HDAC4: variants seen among roughly 807,000 people sequenced by gnomAD.
HDAC4 encodes histone deacetylase A.
A neutral mutation model predicts 135.1 loss-of-function variants in HDAC4; 16 were observed. The ratio of observed to expected loss-of-function variants is 0.12; its 90% CI spans 0.08 to 0.18. The LOEUF is 0.18. Among genes scored for constraint, HDAC4 ranks in the 10% least tolerant of loss-of-function variants. HDAC4 has a pLI of 1.00. For missense variants in HDAC4, 1,143 were observed against 1,511.8 expected (o/e 0.76, Z 4.05); for synonymous variants, 685 against 653.4 (o/e 1.05, Z -0.74).
At position 239,050,349 on chromosome 2, in the gene HDAC4, G is replaced by T. The variant is rs2030648059; in HGVS notation, c.*2748C>A. ...ATTCCTCCCCATAAGCCACGGCGGG[G>T]TAAGAGGGCAGGTGGCAGGATCCCC... On this transcript the variant is annotated 3_prime_UTR_variant, in exon 27 of 27. Transcript: ENST00000543185. 6.6e-6 allele frequency: 1 copy of T among 152,252 alleles called. No homozygotes were observed. The allele number at this position is 152,252 out of a possible 1,614,324, so 9.4% of individuals were successfully genotyped here.
intron 2 of HDAC4, among the ~76,000 whole-genome samples, chr2:239,247,254 C>A (rs539960100): frequency 2.3e-4 from 35 of 152,346 alleles, no homozygotes; most frequent in Admixed American, 5.2e-4. Flanking sequence ...ATCCTACTTT[C>A]TAAACTAACA....
intron 12 of HDAC4, among the ~76,000 whole-genome samples, chr2:239,121,579 C>T (rs2039695949): frequency 6.6e-6 from 1 of 152,218 alleles, no homozygotes; most frequent in Non-Finnish European, 1.5e-5. Context: ...GACAACATTC[C>T]CAGGTCTTTT....
In HDAC4 at chr2:239,082,133, T is replaced by G; in HGVS notation, c.2621A>C (p.Asn874Thr). The change falls in exon 21 of 27, where the codon AAC becomes ACC. Residue 874 changes from asparagine (N) to threonine (T), a missense_variant. This residue lies in a region of HDAC4 where 189 missense variants were observed against 317.6 expected (regional missense o/e 0.60). Coordinates refer to ENST00000543185, the MANE Select transcript of HDAC4 (RefSeq NM_001378414.1). ...AGGAGCCCCGCTGCCTGGGAAGAAG[T>G]TCCCATCGTCGTAGCGGTGGAGGGA... ...YMSLHRYDDGNFFPGSGAPDE... is the reference protein window; with the variant it reads ...YMSLHRYDDGTFFPGSGAPDE... The G allele has an allele frequency of 6.2e-7, 1 of 1,613,914 alleles. No individual in the cohort carries two copies. Among genetic ancestry groups the G allele is most frequent in the Non-Finnish European group, 8.5e-7 (1 of 1,179,928 alleles).
At chr2:239,081,006 A>C (rs1042468192) in intron 22 of HDAC4, 89 bp downstream of exon 22, 11 of 1,003,188 alleles carry the variant, frequency 1.1e-5, no homozygotes, top group Admixed American at 6.0e-5. Flanking sequence ...CCAGTTTCAG[A>C]CACGCTCATC....
At chr2:239,118,888 T>C (rs778293059) in intron 12 of HDAC4, among the ~76,000 whole-genome samples, 2 of 152,210 alleles carry the variant, frequency 1.3e-5, no homozygotes, top group East Asian at 1.9e-4. Context: ...TGATTGCTTC[T>C]GGTTTCTCAG....
At chr2:239,374,987 G>C (rs1228200832) in intron 1 of HDAC4, among the ~76,000 whole-genome samples, 1 of 152,178 alleles carries the variant, frequency 6.6e-6, no homozygotes, top group Non-Finnish European at 1.5e-5. Flanking sequence ...CCCAGGTGAG[G>C]GGTGACGCTG....
intron 2 of HDAC4, among the ~76,000 whole-genome samples, chr2:239,265,886 G>A (rs890955433): frequency 6.6e-6 from 1 of 152,226 alleles, no homozygotes. Flanking sequence ...GTGCTGAGTG[G>A]GCAGTGCCCC....
At chr2:239,134,740 T>C in intron 9 of HDAC4, 97 bp from the exon 10 acceptor site, 1 of 873,722 alleles carries the variant, frequency 1.1e-6, no homozygotes, top group Non-Finnish European at 2.0e-6. Flanking sequence ...CTGCACTGAA[T>C]TCTGATATAT....
chr2:239,292,181 G>T (rs1345580882), intron 2 of HDAC4, among the ~76,000 whole-genome samples: 1 of 152,206 alleles, frequency 6.6e-6, no homozygotes, highest in Admixed American at 6.5e-5. Context: ...CAAGTGTTCC[G>T]GTGTTTTGTC....
intron 3 of HDAC4, among the ~76,000 whole-genome samples, chr2:239,211,389 G>T (rs2046347863): frequency 6.6e-6 from 1 of 152,180 alleles, no homozygotes; most frequent in South Asian, 2.1e-4. Context: ...GGGGCCGAAA[G>T]TCCTGGTTGC....
Position 239,115,351 on chromosome 2 carries a change from T to C in HDAC4, c.1534-41A>G, listed in dbSNP as rs1418520078. The C allele has an allele frequency of 1.9e-5, 31 of 1,609,722 alleles. No individual in the cohort carries two copies. The East Asian group carries it at 6.9e-4, about 36-fold the overall frequency. On this transcript the variant is annotated intron_variant, in intron 12 of 26. Coordinates refer to ENST00000543185, the MANE Select transcript of HDAC4 (RefSeq NM_001378414.1). The surrounding 1 kb of genome is among the most constrained non-coding windows in gnomAD (Gnocchi z 6.3). ...AACACATGAAGCACAGAGAGCTGGG[T>C]CCTCTGAGCTCATCTGACAGGAGAA... is the stretch of plus-strand genomic sequence containing the variant.
Position 239,051,397 on chromosome 2 carries a change from A to C in HDAC4, c.*1700T>G, listed in dbSNP as rs1359195659. ...CTCATCGTACAAAAATAAAAACAAA[A>C]ATAATTAAAAACCTTTGAAAGGTAA... On this transcript the variant is annotated 3_prime_UTR_variant, in exon 27 of 27. Transcript: ENST00000543185. 1.3e-5 allele frequency: 2 copies of C among 152,246 alleles called. No homozygotes were observed. Among genetic ancestry groups the C allele is most frequent in the South Asian group, 2.1e-4 (1 of 4,816 alleles). The allele number at this position is 152,246 out of a possible 1,614,324, so 9.4% of individuals were successfully genotyped here.
intron 24 of HDAC4, among the ~76,000 whole-genome samples, chr2:239,060,279 A>G (rs1399354234): frequency 6.6e-6 from 1 of 152,164 alleles, no homozygotes; most frequent in East Asian, 1.9e-4. Flanking sequence ...TGCTGCACAG[A>G]ATGTGTGTGT....
chr2:239,217,285 C>A (rs1202168369), intron 3 of HDAC4, among the ~76,000 whole-genome samples: 3 of 152,156 alleles, frequency 2.0e-5, no homozygotes, highest in Admixed American at 2.0e-4. Context: ...AATCAAGCGA[C>A]CAGATCTTCA....
chr2:239,103,887 A>AG (rs1002077368), intron 15 of HDAC4, among the ~76,000 whole-genome samples: 1 of 152,268 alleles, frequency 6.6e-6, no homozygotes, highest in African/African-American at 2.4e-5. Context: ...TGGAGGAAGA[A>AG]GGGGCGGAGC....
chr2:239,193,660 C>A (rs903664612), intron 3 of HDAC4, among the ~76,000 whole-genome samples: 2 of 152,194 alleles, frequency 1.3e-5, no homozygotes, highest in Non-Finnish European at 2.9e-5. Flanking sequence ...GGCTTGGGGC[C>A]GGGAGAGCAG....
At chr2:239,173,570 A>G (rs1289874528) in intron 5 of HDAC4, among the ~76,000 whole-genome samples, 47 of 152,220 alleles carry the variant, frequency 3.1e-4, no homozygotes, top group Non-Finnish European at 1.5e-5. Flanking sequence ...AAGCCCCTAC[A>G]GAAAACATGG....
At chr2:239,224,186 C>G (rs1486221392) in intron 3 of HDAC4, among the ~76,000 whole-genome samples, 2 of 152,212 alleles carry the variant, frequency 1.3e-5, no homozygotes. Flanking sequence ...CCTGCACAGC[C>G]CATCTGCAGG....
chr2:239,365,426 T>G (rs1022568268), intron 1 of HDAC4, among the ~76,000 whole-genome samples: 1 of 152,248 alleles, frequency 6.6e-6, no homozygotes, highest in African/African-American at 2.4e-5. Context: ...CAAAACAGGC[T>G]CTGCTGAGCT....
Sources: gnomAD v4.1 joint callset for allele counts (sites outside exome capture counted in the v4.1 genomes callset) on GRCh38, gnomAD v4.1.1 for gene constraint, gnomAD v4.1.1 regional missense constraint, Gnocchi (gnomAD v3.1) non-coding constraint, MANE v1.5 for transcripts, NCBI Gene and HGNC (gene_info 2026-07-23, HGNC 2026-07-21) for gene names.